Variants in CNTNAP2 observed in about 807,000 individuals in gnomAD.
CNTNAP2 encodes contactin associated protein 2.
Under a neutral mutation model 155.2 loss-of-function variants are expected in CNTNAP2, and 98 were observed. That is an observed-to-expected ratio of 0.63 (90% CI 0.54 to 0.75). The LOEUF (loss-of-function observed/expected upper bound fraction) is 0.75, where lower values mean the gene tolerates loss of function less well. CNTNAP2 is among the 30% of genes least tolerant of loss of function. CNTNAP2 has a pLI of 0.00. For missense variants in CNTNAP2, 1,727 were observed against 1,688.1 expected, an observed-to-expected ratio of 1.02 and a Z score of -0.40; for synonymous variants, 651 against 631.2, an observed-to-expected ratio of 1.03 and a Z score of -0.47.
chr7:146,721,562 CTA>C (rs1170710605), intron 1 of CNTNAP2, among the ~76,000 whole-genome samples: 1 of 113,132 alleles, frequency 8.8e-6, no homozygotes, highest in Admixed American at 9.6e-5. Flanking sequence ...TATATACATT[CTA>C]TATATATTCT....
At chr7:147,312,465 T>A (rs1413220853) in intron 9 of CNTNAP2, among the ~76,000 whole-genome samples, 1 of 132,402 alleles carries the variant, frequency 7.6e-6, no homozygotes, top group Admixed American at 8.1e-5. Context: ...CCTGTGTCCA[T>A]GTGTTCTCAT....
chr7:146,760,154 C>G (rs1802065988), intron 1 of CNTNAP2, among the ~76,000 whole-genome samples: 1 of 151,990 alleles, frequency 6.6e-6, no homozygotes, highest in Non-Finnish European at 1.5e-5. Flanking sequence ...TTAAATGAGC[C>G]AAACCTCCTA....
intron 1 of CNTNAP2, among the ~76,000 whole-genome samples, chr7:146,644,282 G>A (rs1178493158): frequency 6.6e-6 from 1 of 152,084 alleles, no homozygotes; most frequent in Non-Finnish European, 1.5e-5. Context: ...TATGATATTG[G>A]CTGTGGGTTT....
intron 1 of CNTNAP2, among the ~76,000 whole-genome samples, chr7:146,773,639 C>T (rs1368830079): frequency 6.6e-6 from 1 of 152,196 alleles, no homozygotes; most frequent in African/African-American, 2.4e-5. Flanking sequence ...GGTGATCAAC[C>T]CGCCTTGGCC....
chr7:146,208,385 T>G (rs980240906), intron 1 of CNTNAP2, among the ~76,000 whole-genome samples: 1 of 152,060 alleles, frequency 6.6e-6, no homozygotes, highest in Non-Finnish European at 1.5e-5. Context: ...TCAAGAAAAA[T>G]TTCTTTTAAA....
chr7:147,034,065 A>G (rs1436386822), intron 3 of CNTNAP2, among the ~76,000 whole-genome samples: 1 of 152,178 alleles, frequency 6.6e-6, no homozygotes, highest in South Asian at 2.1e-4. Context: ...AATAAGGGCC[A>G]GGTAATTCAT....
intron 3 of CNTNAP2, among the ~76,000 whole-genome samples, chr7:146,884,311 A>G (rs1040387932): frequency 1.3e-5 from 2 of 152,162 alleles, no homozygotes; most frequent in East Asian, 1.9e-4. Flanking sequence ...GTGAGGTTCA[A>G]CTGTGCTTCT....
intron 11 of CNTNAP2, among the ~76,000 whole-genome samples, chr7:147,517,200 A>G (rs1799143793): frequency 6.6e-6 from 1 of 152,072 alleles, no homozygotes; most frequent in South Asian, 2.1e-4. Context: ...AAGATTTGGA[A>G]TCAGTCTTGC....
rs1794895006 is a variant in CNTNAP2, at chr7:148,174,418, C to CA, written c.3010+1940_3010+1941insA. 1.1e-4 allele frequency among the ~76,000 whole-genome samples: 4 copies of CA among 36,416 alleles called. No individual in the cohort carries two copies. In the South Asian group the frequency reaches 5.7e-3, roughly 52 times the overall value. The allele number at this position is 36,416 out of a possible 152,430, so 23.9% of individuals were successfully genotyped here. ...GGTGCCTGCACAGCAGTTCCTGTGA[C>CA]CGCCCCCCACCTCAGGCTGGTGCTT... On this transcript the variant is annotated intron_variant, in intron 18 of 23. Transcript: ENST00000361727.
chr7:146,233,173 G>A (rs1799414613), intron 1 of CNTNAP2, among the ~76,000 whole-genome samples: 1 of 144,256 alleles, frequency 6.9e-6, no homozygotes, highest in African/African-American at 2.5e-5. Context: ...CCAAAAAAAA[G>A]TGTTTTTTTT....
intron 1 of CNTNAP2, among the ~76,000 whole-genome samples, chr7:146,741,043 G>A (rs1801707383): frequency 6.6e-6 from 1 of 152,120 alleles, no homozygotes; most frequent in Non-Finnish European, 1.5e-5. Flanking sequence ...AGTACCCAGT[G>A]TTGTGTCCAG....
At chr7:146,801,219 C>T (rs1802871623) in intron 2 of CNTNAP2, among the ~76,000 whole-genome samples, 1 of 152,046 alleles carries the variant, frequency 6.6e-6, no homozygotes. Context: ...AAACAACTAG[C>T]TCTGACATGA....
chr7:146,840,847 A>G (rs1296014456), intron 3 of CNTNAP2, among the ~76,000 whole-genome samples: 1 of 152,242 alleles, frequency 6.6e-6, no homozygotes, highest in East Asian at 1.9e-4. Context: ...TATGTGAAAT[A>G]AGGATATAAT....
At chr7:148,330,455 GGGATGGAGTGGATGGATGAAGTGGAC>G (rs1440487157) in intron 21 of CNTNAP2, among the ~76,000 whole-genome samples, 5 of 137,236 alleles carry the variant, frequency 3.6e-5, no homozygotes, top group African/African-American at 5.6e-5. Context: ...GTGGAGCAGA[GGGATGGAGTGGATGGATGAAGTGGAC>G]GGATGGAGTG....
chr7:147,293,272 C>T (rs1304073519), intron 8 of CNTNAP2, among the ~76,000 whole-genome samples: 1 of 152,052 alleles, frequency 6.6e-6, no homozygotes, highest in Non-Finnish European at 1.5e-5. Flanking sequence ...TGCCCAAGCA[C>T]CTTTTTACAT....
intron 13 of CNTNAP2, among the ~76,000 whole-genome samples, chr7:147,735,329 G>A (rs1195281858): frequency 6.6e-6 from 1 of 152,160 alleles, no homozygotes; most frequent in African/African-American, 2.4e-5. Context: ...TAGTTGAGTG[G>A]TTTTGAGTGA....
At chr7:148,059,554 C>T (rs1803091142) in intron 15 of CNTNAP2, among the ~76,000 whole-genome samples, 1 of 146,912 alleles carries the variant, frequency 6.8e-6, no homozygotes, top group South Asian at 2.1e-4. Context: ...TGCCCCATTG[C>T]ACTCCAGCCT....
intron 13 of CNTNAP2, among the ~76,000 whole-genome samples, chr7:147,662,657 C>T (rs55713890): frequency 0.05 from 7,626 of 152,238 alleles, 634 homozygotes; most frequent in African/African-American, 0.17. Flanking sequence ...ATTATTCCTA[C>T]TGGTGATAAC....
chr7:147,115,775 GTT>G (rs1424242533), intron 5 of CNTNAP2, among the ~76,000 whole-genome samples: 15 of 152,104 alleles, frequency 9.9e-5, no homozygotes, highest in African/African-American at 3.6e-4. Flanking sequence ...CTTCAGTGAA[GTT>G]TGTTATTACC....
Sources: allele counts gnomAD v4.1 joint callset (sites outside exome capture counted in the v4.1 genomes callset), GRCh38; gene constraint gnomAD v4.1.1; transcripts MANE v1.5; gene names NCBI Gene and HGNC (gene_info 2026-07-23, HGNC 2026-07-21).